Variants in NCKAP5 observed in about 807,000 individuals in gnomAD.
NCKAP5 encodes the protein NCK associated protein 5.
A neutral mutation model predicts 167.0 loss-of-function variants in NCKAP5; 92 were observed. The ratio of observed to expected loss-of-function variants is 0.55; its 90% CI spans 0.47 to 0.66. NCKAP5 has a LOEUF of 0.66. NCKAP5 is among the 30% of genes least tolerant of loss of function. The pLI, the probability that NCKAP5 is intolerant of heterozygous loss-of-function variation, is 0.00. For synonymous variants in NCKAP5, 891 were observed against 877.4 expected (o/e 1.02, Z -0.27); for missense variants, 2,378 against 2,315.0 (o/e 1.03, Z -0.56).
intron 3 of NCKAP5, among the ~76,000 whole-genome samples, chr2:133,490,806 G>C (rs1161260853): frequency 1.3e-5 from 2 of 152,218 alleles, no homozygotes; most frequent in Admixed American, 1.3e-4. Flanking sequence ...TTGACTACAA[G>C]TTTTTCCAAG....
intron 4 of NCKAP5, among the ~76,000 whole-genome samples, chr2:133,280,319 GA>G (rs1404449411): frequency 1.3e-5 from 2 of 152,208 alleles, no homozygotes; most frequent in African/African-American, 4.8e-5. Context: ...TATATTTAAA[GA>G]AAACTTGCAT....
chr2:133,384,646 C>A (rs1344688634), intron 3 of NCKAP5, among the ~76,000 whole-genome samples: 1 of 152,148 alleles, frequency 6.6e-6, no homozygotes, highest in Non-Finnish European at 1.5e-5. Context: ...TTACCTTGGG[C>A]AATATGGCCA....
the NCKAP5 span, among the ~76,000 whole-genome samples, chr2:133,585,453 C>T: frequency 6.6e-6 from 1 of 152,206 alleles, no homozygotes; most frequent in African/African-American, 2.4e-5. Flanking sequence ...TTATCTACTA[C>T]CTCTGATAGC....
At chr2:133,293,704 G>A (rs375180764) in intron 4 of NCKAP5, among the ~76,000 whole-genome samples, 1 of 152,180 alleles carries the variant, frequency 6.6e-6, no homozygotes, top group Admixed American at 6.5e-5. Context: ...ATTGAAGCAT[G>A]TGGCAATACC....
chr2:133,644,002 C>T, the NCKAP5 span, among the ~76,000 whole-genome samples: 1 of 152,154 alleles, frequency 6.6e-6, no homozygotes, highest in Non-Finnish European at 1.5e-5. Context: ...TCTGACATGC[C>T]CCTGTCACTA....
chr2:133,209,074 C>A (rs942141166), intron 5 of NCKAP5, among the ~76,000 whole-genome samples: 1 of 68,912 alleles, frequency 1.5e-5, no homozygotes, highest in South Asian at 3.3e-4. Flanking sequence ...CAAAAAATTA[C>A]ATTAAAAAAC....
At chr2:133,658,616 C>T in the NCKAP5 span, among the ~76,000 whole-genome samples, 6 of 152,252 alleles carry the variant, frequency 3.9e-5, no homozygotes, top group East Asian at 1.9e-4. Context: ...CATCTGTTTC[C>T]GTATCGGGAC....
At chr2:133,525,574 G>C (rs1684805031) in intron 2 of NCKAP5, among the ~76,000 whole-genome samples, 1 of 152,134 alleles carries the variant, frequency 6.6e-6, no homozygotes, top group Non-Finnish European at 1.5e-5. Flanking sequence ...GAGAAGAGAG[G>C]TCAGAGAAAA....
intron 12 of NCKAP5, among the ~76,000 whole-genome samples, chr2:132,794,245 TATATATATATATATATATAGAGAG>T (rs1258426620): frequency 3.5e-4 from 21 of 59,882 alleles, no homozygotes; most frequent in African/African-American, 1.3e-3. Flanking sequence ...TATATATATA[TATATATATATATATATATAGAGAG>T]AGAGAGAGAG....
chr2:133,213,840 G>A, intron 4 of NCKAP5, 61 bp from the exon 5 acceptor site: 1 of 1,532,822 alleles, frequency 6.5e-7, no homozygotes, highest in Non-Finnish European at 9.0e-7. Flanking sequence ...ACACTGGCAT[G>A]GCCGTGAAAC....
intron 3 of NCKAP5, among the ~76,000 whole-genome samples, chr2:133,422,437 G>C (rs2151096345): frequency 6.6e-6 from 1 of 152,308 alleles, no homozygotes; most frequent in Non-Finnish European, 1.5e-5. Flanking sequence ...GTATCCTATA[G>C]ATCCCTTGGT....
chr2:132,811,163 T>C (rs1340281067), intron 11 of NCKAP5, among the ~76,000 whole-genome samples: 4 of 152,122 alleles, frequency 2.6e-5, no homozygotes, highest in Non-Finnish European at 5.9e-5. Context: ...ACTGTTCTGG[T>C]GGAGGCGACA....
At chr2:132,984,956 G>C (rs973465070) in intron 7 of NCKAP5, among the ~76,000 whole-genome samples, 1 of 149,876 alleles carries the variant, frequency 6.7e-6, no homozygotes, top group African/African-American at 2.5e-5. Context: ...TTACTAAAGG[G>C]CAACATCTTT....
At chr2:133,389,600 T>C (rs78617529) in intron 3 of NCKAP5, among the ~76,000 whole-genome samples, 2,747 of 152,342 alleles carry the variant, frequency 0.018, 82 homozygotes, top group African/African-American at 0.062. Flanking sequence ...ATTTCTGACA[T>C]CCAAAGCTGA....
chr2:133,456,286 T>G (rs1691854891), intron 3 of NCKAP5, among the ~76,000 whole-genome samples: 3 of 152,120 alleles, frequency 2.0e-5, no homozygotes, highest in Admixed American at 2.0e-4. Flanking sequence ...GCAATTATGA[T>G]GTAAGTAGGA....
chr2:133,363,184 T>C (rs1191909519), intron 3 of NCKAP5, among the ~76,000 whole-genome samples: 1 of 152,216 alleles, frequency 6.6e-6, no homozygotes, highest in Non-Finnish European at 1.5e-5. Flanking sequence ...ACAACTGTGC[T>C]GAAATAGTAT....
At chr2:132,763,580 C>T (rs1218484516) in intron 16 of NCKAP5, among the ~76,000 whole-genome samples, 3 of 152,166 alleles carry the variant, frequency 2.0e-5, no homozygotes, top group South Asian at 2.1e-4. Context: ...TTTTTAGAGG[C>T]TTCCCAGGTG....
intron 6 of NCKAP5, among the ~76,000 whole-genome samples, chr2:133,071,051 T>A (rs2080376930): frequency 6.6e-6 from 1 of 152,040 alleles, no homozygotes; most frequent in African/African-American, 2.4e-5. Context: ...AGCAAACTAA[T>A]GGAATAGTTT....
At chr2:133,661,800 C>T in the NCKAP5 span, among the ~76,000 whole-genome samples, 1 of 152,176 alleles carries the variant, frequency 6.6e-6, no homozygotes, top group African/African-American at 2.4e-5. Flanking sequence ...TAGAATCCTC[C>T]TTGCTTTGTG....
Sources: allele counts gnomAD v4.1 joint callset (sites outside exome capture counted in the v4.1 genomes callset), GRCh38; gene constraint gnomAD v4.1.1; transcripts MANE v1.5; gene names NCBI Gene and HGNC (gene_info 2026-07-23, HGNC 2026-07-21).